The following IL31RA variants were observed in gnomAD, a reference collection of about 807,000 sequenced individuals.
IL31RA encodes the protein interleukin 31 receptor A.
In IL31RA, 66 loss-of-function variants were observed where a neutral mutation model predicts 83.7. That is an observed-to-expected ratio of 0.79 (90% CI 0.65 to 0.97). The LOEUF (loss-of-function observed/expected upper bound fraction) is 0.97, where lower values mean the gene tolerates loss of function less well. IL31RA is among the 50% of genes least tolerant of loss of function. The pLI is 0.00. For synonymous variants in IL31RA, 325 were observed against 329.0 expected (o/e 0.99, Z 0.13); for missense variants, 798 against 919.4 (o/e 0.87, Z 1.71).
chr5:55,857,407 T>C (rs1580647533), intron 1 of IL31RA, among the ~76,000 whole-genome samples: 1 of 152,234 alleles, frequency 6.6e-6, no homozygotes. Flanking sequence ...CAGCCTTTGT[T>C]CACATTTTTT....
At chr5:55,889,135 G>A (rs1747823100) in intron 5 of IL31RA, among the ~76,000 whole-genome samples, 1 of 152,078 alleles carries the variant, frequency 6.6e-6, no homozygotes, top group Non-Finnish European at 1.5e-5. Context: ...GGTTTATAAA[G>A]CTAATATTGA....
At chr5:55,893,952 C>T (rs1193648355) in intron 6 of IL31RA, among the ~76,000 whole-genome samples, 2 of 151,808 alleles carry the variant, frequency 1.3e-5, no homozygotes, top group Non-Finnish European at 2.9e-5. Flanking sequence ...GCTGGGACTA[C>T]AGGTGTGTGC....
rs746573109 is a variant in IL31RA, at chr5:55,914,936, C to T, written c.1818+8C>T. 1 of 1,597,918 alleles carries T rather than the reference C, an allele frequency of 6.3e-7. No individual in the cohort carries two copies. ...CATGGAGATGATTTCAAGGTAAACT[C>T]TCCTGTTTTTATTAAGGAAATCATT... On this transcript the variant is annotated splice_region_variant and intron_variant, in intron 14 of 14. Transcript: ENST00000652347.
At chr5:55,893,877 T>TCTCAG (rs1355950513) in intron 6 of IL31RA, among the ~76,000 whole-genome samples, 2 of 149,522 alleles carry the variant, frequency 1.3e-5, no homozygotes, top group Non-Finnish European at 1.5e-5. Flanking sequence ...AGTGGTGAGA[T>TCTCAG]CTCAGCTCAC....
chr5:55,847,237 AAAAATAAAAAT>A (rs1347852707), upstream of IL31RA, among the ~76,000 whole-genome samples: 1 of 30,142 alleles, frequency 3.3e-5, no homozygotes, highest in Admixed American at 2.4e-4. Flanking sequence ...AAAAAAAAAA[AAAAATAAAAAT>A]AAATAAATAA....
At chr5:55,868,712 T>C in intron 2 of IL31RA, 79 bp from the exon 3 acceptor site, 4 of 902,314 alleles carry the variant, frequency 4.4e-6, no homozygotes, top group Non-Finnish European at 7.5e-6. Flanking sequence ...TATTTTCCAT[T>C]AAAAATGTTC....
At position 55,868,853 on chromosome 5, in the gene IL31RA, A is replaced by T. The variant is rs771607563; in HGVS notation, c.217A>T (p.Thr73Ser). The T allele has an allele frequency of 1.2e-6, 2 of 1,611,096 alleles. No homozygotes were observed. The highest frequency in any genetic ancestry group is 8.5e-7 in the Non-Finnish European group (1 of 1,177,236). ...CTACTATAGGAAAAATTTAACCTGC[A>T]CTTGGAGTCCAGGAAAGGAAACCAG... Reference protein sequence around the residue: ...VYYYRKNLTCTWSPGKETSYT... With the variant: ...VYYYRKNLTCSWSPGKETSYT... The change falls in exon 3 of 15, where the codon ACT (threonine) becomes TCT (serine). Residue 73 changes from threonine to serine, a missense_variant. Physicochemically the swap from Thr to Ser is moderately conservative, Grantham distance 58. Coordinates refer to ENST00000652347, the MANE Select transcript of IL31RA (RefSeq NM_139017.7).
At position 55,922,647 on chromosome 5, in the gene IL31RA, G is replaced by A; in HGVS notation, c.*5527G>A. On this transcript the variant is annotated 3_prime_UTR_variant, in exon 15 of 15. Coordinates refer to ENST00000652347, the MANE Select transcript of IL31RA (RefSeq NM_139017.7). ...TTATTAAGTAGAGTGTGAAAACATGGTTATGGTAATAGGAACAGCTTTTAA... is the reference window on the plus strand; with the variant it reads ...TTATTAAGTAGAGTGTGAAAACATGATTATGGTAATAGGAACAGCTTTTAA... 1.9e-6 allele frequency: 1 copy of A among 523,004 alleles called. No homozygotes were observed. The highest frequency in any genetic ancestry group is 3.4e-6 in the Non-Finnish European group (1 of 296,562). 32.4% of individuals were successfully genotyped at this position (523,004 alleles called of 1,614,324 possible).
At chr5:55,846,217 T>G in the IL31RA span, among the ~76,000 whole-genome samples, 1 of 152,204 alleles carries the variant, frequency 6.6e-6, no homozygotes, top group Non-Finnish European at 1.5e-5. Flanking sequence ...TTGTTGATTT[T>G]CAGTTTGTTT....
chr5:55,894,362 CTG>C (rs998028032), intron 6 of IL31RA, among the ~76,000 whole-genome samples: 14 of 152,248 alleles, frequency 9.2e-5, no homozygotes, highest in African/African-American at 3.4e-4. Context: ...TGCTTCCTGT[CTG>C]AGAAATTTGA....
At chr5:55,891,072 A>T (rs1747956925) in intron 6 of IL31RA, among the ~76,000 whole-genome samples, 1 of 152,210 alleles carries the variant, frequency 6.6e-6, no homozygotes, top group African/African-American at 2.4e-5. Context: ...TGTTTAGCCC[A>T]TAGTAGATAT....
rs35485505 is a variant in IL31RA, at chr5:55,857,097, AT to A, written c.64-2400del. On this transcript the variant is annotated intron_variant, in intron 1 of 14. Transcript: ENST00000652347. Reference sequence around the variant, plus strand: ...CCTGGGAGGCATCTCACCTTTTTGCATTTTTTTTTTTTCTTTTTTGAGACAG... The same window carrying A: ...CCTGGGAGGCATCTCACCTTTTTGCATTTTTTTTTTTCTTTTTTGAGACAG... Among the ~76,000 whole-genome samples, 711 of 145,946 alleles carry A rather than the reference AT, an allele frequency of 4.9e-3. 5 individuals carry two copies. Among genetic ancestry groups the A allele is most frequent in the African/African-American group, 0.014 (569 of 39,546 alleles).
chr5:55,863,120 G>A (rs1402891574), intron 2 of IL31RA, among the ~76,000 whole-genome samples: 1 of 152,202 alleles, frequency 6.6e-6, no homozygotes. Flanking sequence ...AGAAAATCTA[G>A]AAAGTAGAAG....
Position 55,883,183 on chromosome 5 carries a change from C to A in IL31RA, c.594C>A (p.Asn198Lys). The A allele has an allele frequency of 6.2e-7, 1 of 1,613,310 alleles. No individual in the cohort carries two copies. The highest frequency in any genetic ancestry group is 8.5e-7 in the Non-Finnish European group (1 of 1,179,484). Residue 198 changes from asparagine (N) to lysine (K), a missense_variant, in exon 5 of 15, where the codon AAC becomes AAA. Physicochemically the swap from Asn to Lys is moderately conservative, Grantham distance 94 (BLOSUM62 0). Transcript: ENST00000652347. ...ACACACTTCGATTCAGGACAGTCAA[C>A]AGTACCAGCTGGGTAAGTTATGCCA... ...LKYTLRFRTV[N>K]STSWMEVNFA...
intron 4 of IL31RA, among the ~76,000 whole-genome samples, chr5:55,873,573 A>G (rs1472480272): frequency 1.3e-5 from 2 of 152,046 alleles, no homozygotes; most frequent in African/African-American, 4.8e-5. Flanking sequence ...GTTATTGTCC[A>G]TCTTTTTTTA....
In IL31RA at chr5:55,906,122, G is replaced by A. The variant is rs1314144624; in HGVS notation, c.1086G>A (p.Glu362=). ...AIQEKSFQCI[E]VMQACVAEDQ... ...TCCTTTCAGCATTTCAGTGCATTGA[G>A]GTCATGCAGGCCTGCGTTGCTGAGG... Residue 362 remains glutamate, a synonymous_variant, in exon 9 of 15, where the codon GAG becomes GAA. Transcript: ENST00000652347. 3 of 1,613,586 alleles carry A rather than the reference G, an allele frequency of 1.9e-6. No individual in the cohort carries two copies. Among genetic ancestry groups the A allele is most frequent in the Middle Eastern group, 1.6e-4 (1 of 6,062 alleles).
At chr5:55,912,059 A>T (rs1279362007) in intron 12 of IL31RA, among the ~76,000 whole-genome samples, 1 of 152,184 alleles carries the variant, frequency 6.6e-6, no homozygotes, top group African/African-American at 2.4e-5. Flanking sequence ...ACTGGGCACA[A>T]ATTTCATCAG....
At chr5:55,911,203 G>A (rs1386439293) in intron 12 of IL31RA, among the ~76,000 whole-genome samples, 1 of 152,162 alleles carries the variant, frequency 6.6e-6, no homozygotes, top group Non-Finnish European at 1.5e-5. Flanking sequence ...GCAGTCAAGA[G>A]AGAATGAGGA....
intron 2 of IL31RA, among the ~76,000 whole-genome samples, chr5:55,863,743 G>A (rs1304146775): frequency 2.6e-5 from 4 of 152,190 alleles, no homozygotes; most frequent in South Asian, 2.1e-4. Context: ...TGGGTTGAGC[G>A]GAAAATCATT....
Sources: allele counts gnomAD v4.1 joint callset (sites outside exome capture counted in the v4.1 genomes callset), GRCh38; gene constraint gnomAD v4.1.1; transcripts MANE v1.5; gene names NCBI Gene and HGNC (gene_info 2026-07-23, HGNC 2026-07-21).